CTBP2: variants seen among roughly 807,000 people sequenced by gnomAD.
The protein encoded by CTBP2 is C-terminal-binding protein 2.
CTBP2 carries 30 observed loss-of-function variants against 80.3 expected under a neutral mutation model. The observed-to-expected ratio is 0.37, with a 90% CI of 0.28 to 0.51. CTBP2 has a LOEUF of 0.51. Ranked by LOEUF, CTBP2 falls within the 20% of genes least tolerant of loss-of-function variation. The pLI is 0.93. For missense variants in CTBP2, 1,212 were observed against 1,375.3 expected (o/e 0.88, Z 1.88); for synonymous variants, 594 against 587.4 (o/e 1.01, Z -0.16).
intron 1 of CTBP2, among the ~76,000 whole-genome samples, chr10:125,159,269 T>G (rs1861504315): frequency 1.3e-5 from 2 of 149,972 alleles, no homozygotes; most frequent in African/African-American, 4.9e-5. Flanking sequence ...AAACTTTTTC[T>G]TTTTGATTCG....
chr10:125,080,795 A>G (rs1451604478), intron 2 of CTBP2, among the ~76,000 whole-genome samples: 5 of 152,100 alleles, frequency 3.3e-5, no homozygotes, highest in African/African-American at 7.2e-5. Flanking sequence ...ACCTGATAGG[A>G]GTCTCTGAAC....
chr10:125,084,123 ATGT>A (rs1207939949), intron 2 of CTBP2, among the ~76,000 whole-genome samples: 2 of 151,622 alleles, frequency 1.3e-5, no homozygotes, highest in Non-Finnish European at 2.9e-5. Context: ...AGAGCCCACT[ATGT>A]TATTTTATTT....
chr10:125,038,234 T>A (rs776734812), intron 3 of CTBP2, among the ~76,000 whole-genome samples: 4 of 152,020 alleles, frequency 2.6e-5, no homozygotes, highest in Admixed American at 6.5e-5. Context: ...AACTGGTGGG[T>A]CAGCTACTAA....
In CTBP2 at chr10:125,098,680, G is replaced by A. The variant is rs866178014; in HGVS notation, c.-102+12310C>T. Among the ~76,000 whole-genome samples, 520 of 132,192 alleles carry A rather than the reference G, an allele frequency of 3.9e-3. 8 individuals are homozygous for A. Among genetic ancestry groups the A allele is most frequent in the African/African-American group, 0.015 (482 of 32,258 alleles). 86.7% of individuals were successfully genotyped at this position (132,192 alleles called of 152,430 possible). On this transcript the variant is annotated intron_variant, in intron 2 of 10. Transcript: ENST00000337195. ...GGGGAGAGAGAGAGAGAGAGAGAGA[G>A]AGAGAGAGAGAGAGAGAGAGAGAGA...
chr10:125,034,628 G>A (rs1383073262), intron 3 of CTBP2, among the ~76,000 whole-genome samples: 9 of 152,130 alleles, frequency 5.9e-5, no homozygotes, highest in Non-Finnish European at 1.3e-4. Flanking sequence ...AGAACTGTTT[G>A]TGGACTACCT....
chr10:125,121,566 T>C (rs1031161678), intron 1 of CTBP2, among the ~76,000 whole-genome samples: 28 of 152,204 alleles, frequency 1.8e-4, no homozygotes, highest in Non-Finnish European at 2.9e-4. Context: ...TTCAAGGCTA[T>C]GTATATCACA....
chr10:124,989,645 T>C lies in CTBP2; in HGVS notation c.2831A>G (p.Glu944Gly). 1 of 1,608,788 alleles carries C rather than the reference T, an allele frequency of 6.2e-7. No homozygotes were observed. The highest frequency in any genetic ancestry group is 8.5e-7 in the Non-Finnish European group (1 of 1,177,096). ...TGGGATGCCTCCAGGGATGATCCCT[T>C]CCATGGCTGCAGGAAGTCCTCCTGG... Residue 944 changes from glutamate to glycine, a missense_variant, in exon 9 of 9, where the codon GAA becomes GGA. By Grantham distance (98) the Glu-to-Gly change is moderately conservative. Coordinates refer to ENST00000309035, the MANE Select transcript of CTBP2 (RefSeq NM_022802.3).
intron 3 of CTBP2, among the ~76,000 whole-genome samples, chr10:125,038,066 T>C (rs1039118587): frequency 1.3e-5 from 2 of 152,216 alleles, no homozygotes; most frequent in Non-Finnish European, 2.9e-5. Flanking sequence ...GCTTTTGTGT[T>C]CTTGCAGCGC....
At position 124,984,506 on chromosome 10, in the gene CTBP2, T is replaced by C; in HGVS notation, c.*5012A>G. 1 of 411,710 alleles carries C rather than the reference T, an allele frequency of 2.4e-6. No individual in the cohort carries two copies. The highest frequency in any genetic ancestry group is 5.2e-5 in the South Asian group (1 of 19,318). The allele number at this position is 411,710 out of a possible 1,614,324, so 25.5% of individuals were successfully genotyped here. ...GCCAGGATCAGTTTATTAGGACATT[T>C]GTTTTTTATTTTATCTAACAAATTA... On this transcript the variant is annotated 3_prime_UTR_variant, in exon 9 of 9. Transcript: ENST00000309035.
chr10:125,090,702 G>A (rs1848640591), intron 2 of CTBP2, among the ~76,000 whole-genome samples: 1 of 151,756 alleles, frequency 6.6e-6, no homozygotes, highest in East Asian at 1.9e-4. Context: ...CGTCGAGGCT[G>A]TAGTAAGCTG....
chr10:125,140,530 A>C (rs1175252647), intron 1 of CTBP2, among the ~76,000 whole-genome samples: 2 of 152,232 alleles, frequency 1.3e-5, no homozygotes, highest in Non-Finnish European at 2.9e-5. Flanking sequence ...CTGAAAGAAA[A>C]TAATATCAAG....
intron 1 of CTBP2, among the ~76,000 whole-genome samples, chr10:125,144,447 T>C (rs1294317390): frequency 1.3e-5 from 2 of 152,204 alleles, no homozygotes; most frequent in Non-Finnish European, 2.9e-5. Context: ...AATAAGCCAA[T>C]GTATAACAAA....
chr10:125,134,251 G>A (rs1036443321), intron 1 of CTBP2, among the ~76,000 whole-genome samples: 2 of 152,196 alleles, frequency 1.3e-5, no homozygotes, highest in African/African-American at 4.8e-5. Context: ...TGGAGAGACT[G>A]AGGCTTAGAG....
At chr10:125,121,800 C>T (rs374882928) in intron 1 of CTBP2, among the ~76,000 whole-genome samples, 3 of 152,224 alleles carry the variant, frequency 2.0e-5, no homozygotes, top group African/African-American at 7.2e-5. Flanking sequence ...TGCGCCACAC[C>T]ACGCTGTCAC....
At chr10:125,012,898 C>T (rs1249367742) in intron 1 of CTBP2, among the ~76,000 whole-genome samples, 1 of 121,682 alleles carries the variant, frequency 8.2e-6, no homozygotes, top group Non-Finnish European at 1.8e-5. Context: ...CACAAACCTG[C>T]CAAGGACAAA....
In CTBP2 at chr10:125,149,197, A is replaced by G. The variant is rs74584610; in HGVS notation, c.-206+11122T>C. Among the ~76,000 whole-genome samples, 1,122 of 152,216 alleles carry G rather than the reference A, an allele frequency of 7.4e-3. 15 individuals carry two copies. Among genetic ancestry groups the G allele is most frequent in the African/African-American group, 0.025 (1,031 of 41,534 alleles). On this transcript the variant is annotated intron_variant, in intron 1 of 10. Transcript: ENST00000337195. ...CACAAGGCCCGGCTCACAGGAAATG[A>G]CCATTCATGGGAACCTGCACGCCGC... is the stretch of plus-strand genomic sequence containing the variant.
chr10:125,098,442 C>T (rs556516870), intron 2 of CTBP2, among the ~76,000 whole-genome samples: 2 of 152,184 alleles, frequency 1.3e-5, no homozygotes, highest in South Asian at 2.1e-4. Flanking sequence ...CTGGTATATG[C>T]GTGGTCCGTA....
chr10:125,122,601 T>C (rs1254699), intron 1 of CTBP2: 51,246 of 152,118 alleles, frequency 0.34, 11,171 homozygotes, highest in African/African-American at 0.62. Flanking sequence ...TGTTTCTTCA[T>C]GTTTCAGTCA....
chr10:125,008,120 A>AT (rs1414389117), intron 1 of CTBP2, among the ~76,000 whole-genome samples: 2 of 152,046 alleles, frequency 1.3e-5, no homozygotes, highest in African/African-American at 4.8e-5. Context: ...CTAATTTTGT[A>AT]TTTTTAGCAG....
Sources: gnomAD v4.1 joint callset for allele counts (sites outside exome capture counted in the v4.1 genomes callset) on GRCh38, gnomAD v4.1.1 for gene constraint, MANE v1.5 for transcripts, NCBI Gene and HGNC (gene_info 2026-07-23, HGNC 2026-07-21) for gene names.